The following FHIT variants were observed in gnomAD, a reference collection of about 807,000 sequenced individuals.
The protein encoded by FHIT is bis(5'-adenosyl)-triphosphatase.
A neutral mutation model predicts 17.9 loss-of-function variants in FHIT; 19 were observed. The ratio of observed to expected loss-of-function variants is 1.06; its 90% CI spans 0.74 to 1.56. The LOEUF (loss-of-function observed/expected upper bound fraction) is 1.56, where lower values mean the gene tolerates loss of function less well. Among genes scored for constraint, FHIT ranks in the 40% most tolerant of loss-of-function variants. FHIT has a pLI of 0.00. For synonymous variants in FHIT, 81 were observed against 69.7 expected (o/e 1.16, Z -0.81); for missense variants, 248 against 189.2 (o/e 1.31, Z -1.82).
intron 7 of FHIT, among the ~76,000 whole-genome samples, chr3:59,933,200 G>A (rs898374292): frequency 6.6e-6 from 1 of 152,022 alleles, no homozygotes; most frequent in Admixed American, 6.6e-5. Context: ...GTTCTTTCAC[G>A]GGCTGGTAAA....
intron 3 of FHIT, among the ~76,000 whole-genome samples, chr3:61,012,236 A>C (rs929945113): frequency 6.6e-6 from 1 of 152,172 alleles, no homozygotes; most frequent in African/African-American, 2.4e-5. Context: ...AATAGGTATA[A>C]TTAATGGGCA....
chr3:60,806,888 A>G (rs1174949537), intron 4 of FHIT, among the ~76,000 whole-genome samples: 1 of 152,238 alleles, frequency 6.6e-6, no homozygotes, highest in East Asian at 1.9e-4. Context: ...GGTGAGGCCA[A>G]CATCTTAGAA....
chr3:59,821,556 CAG>C (rs1432714561), intron 8 of FHIT, among the ~76,000 whole-genome samples: 1 of 152,154 alleles, frequency 6.6e-6, no homozygotes, highest in Non-Finnish European at 1.5e-5. Context: ...CTCTGCCTTG[CAG>C]AGTTCTCCCT....
chr3:60,154,889 CCAAG>C (rs1700611613), intron 5 of FHIT, among the ~76,000 whole-genome samples: 1 of 152,028 alleles, frequency 6.6e-6, no homozygotes, highest in Non-Finnish European at 1.5e-5. Flanking sequence ...AATCCCAGCA[CCAAG>C]TTAGGTTGTT....
chr3:59,776,884 T>C (rs1347902469), intron 8 of FHIT, among the ~76,000 whole-genome samples: 2 of 152,202 alleles, frequency 1.3e-5, no homozygotes, highest in African/African-American at 4.8e-5. Flanking sequence ...CAGAATTTAT[T>C]GACAAGCTCA....
chr3:60,364,495 G>A (rs1700030957), intron 5 of FHIT, among the ~76,000 whole-genome samples: 1 of 152,196 alleles, frequency 6.6e-6, no homozygotes, highest in South Asian at 2.1e-4. Context: ...TATGCAGTAG[G>A]TAAAACAAAT....
At chr3:60,297,576 C>CAA (rs71627530) in intron 5 of FHIT, among the ~76,000 whole-genome samples, 23 of 151,340 alleles carry the variant, frequency 1.5e-4, no homozygotes, top group African/African-American at 5.1e-4. Flanking sequence ...AAGTCACCTG[C>CAA]AAAAAAAAGG....
At chr3:60,175,463 C>T (rs528524240) in intron 5 of FHIT, among the ~76,000 whole-genome samples, 1 of 152,082 alleles carries the variant, frequency 6.6e-6, no homozygotes, top group South Asian at 2.1e-4. Context: ...GTTATAATAT[C>T]TTGGAAGACA....
intron 5 of FHIT, among the ~76,000 whole-genome samples, chr3:60,528,055 C>A (rs918756186): frequency 1.3e-5 from 2 of 152,194 alleles, no homozygotes; most frequent in African/African-American, 4.8e-5. Context: ...CTTACTATAA[C>A]CTTGAACTCC....
intron 3 of FHIT, among the ~76,000 whole-genome samples, chr3:60,968,363 G>C (rs1044935193): frequency 6.6e-6 from 1 of 151,394 alleles, no homozygotes; most frequent in Non-Finnish European, 1.5e-5. Flanking sequence ...ACACATTTAT[G>C]ATCTCAACAA....
At chr3:60,767,649 T>C (rs1553721862) in intron 4 of FHIT, among the ~76,000 whole-genome samples, 1 of 152,240 alleles carries the variant, frequency 6.6e-6, no homozygotes, top group Non-Finnish European at 1.5e-5. Flanking sequence ...CTTCACATGA[T>C]AGATGATCAG....
chr3:60,462,472 A>G (rs1238443885), intron 5 of FHIT, among the ~76,000 whole-genome samples: 1 of 152,190 alleles, frequency 6.6e-6, no homozygotes, highest in East Asian at 1.9e-4. Flanking sequence ...CTCGACAGAA[A>G]GGCATGGGGT....
At chr3:60,625,914 T>C (rs1253902338) in intron 4 of FHIT, among the ~76,000 whole-genome samples, 5 of 152,240 alleles carry the variant, frequency 3.3e-5, no homozygotes, top group South Asian at 2.1e-4. Flanking sequence ...AGATAATCTT[T>C]GTATATGGGG....
At chr3:59,954,225 TTTTTTC>T (rs1391353092) in intron 7 of FHIT, among the ~76,000 whole-genome samples, 26 of 150,542 alleles carry the variant, frequency 1.7e-4, no homozygotes, top group Admixed American at 1.5e-3. Flanking sequence ...TGTTCTGTTT[TTTTTTC>T]TTTTTTTTCC....
intron 8 of FHIT, among the ~76,000 whole-genome samples, chr3:59,874,628 G>A (rs913366547): frequency 6.6e-6 from 1 of 152,102 alleles, no homozygotes; most frequent in African/African-American, 2.4e-5. Flanking sequence ...AAAGAAGGGA[G>A]GGAGGTCAGG....
intron 4 of FHIT, among the ~76,000 whole-genome samples, chr3:60,572,449 G>C (rs889036288): frequency 2.0e-5 from 3 of 151,744 alleles, no homozygotes; most frequent in African/African-American, 7.3e-5. Context: ...TTACAAATAA[G>C]ATAGGAAAAA....
chr3:59,918,105 C>T (rs555569016), intron 8 of FHIT, among the ~76,000 whole-genome samples: 66 of 152,336 alleles, frequency 4.3e-4, no homozygotes, highest in African/African-American at 1.5e-3. Context: ...CGAAGTCTCA[C>T]CCAGTGTGGC....
At chr3:60,759,056 A>C (rs915201771) in intron 4 of FHIT, among the ~76,000 whole-genome samples, 1 of 152,136 alleles carries the variant, frequency 6.6e-6, no homozygotes, top group Non-Finnish European at 1.5e-5. Flanking sequence ...TTTGAGTACC[A>C]GTAGAAGGCC....
At chr3:59,749,781 C>T (rs941999734) in intron 9 of FHIT, 13 of 222,238 alleles carry the variant, frequency 5.8e-5, no homozygotes, top group Non-Finnish European at 8.9e-5. Flanking sequence ...CTTGTTAACC[C>T]TGTGAGGATG....
Sources: allele counts gnomAD v4.1 joint callset (sites outside exome capture counted in the v4.1 genomes callset), GRCh38; gene constraint gnomAD v4.1.1; transcripts MANE v1.5; gene names NCBI Gene and HGNC (gene_info 2026-07-23, HGNC 2026-07-21).